The following MYO18B variants were observed in gnomAD, a reference collection of about 807,000 sequenced individuals.
MYO18B encodes unconventional myosin-XVIIIb.
MYO18B carries 204 observed loss-of-function variants against 273.0 expected under a neutral mutation model. The ratio of observed to expected loss-of-function variants is 0.75; its 90% CI spans 0.67 to 0.84. MYO18B has a LOEUF of 0.84. Ranked by LOEUF, MYO18B falls within the 40% of genes least tolerant of loss-of-function variation. MYO18B has a pLI of 0.00. For missense variants in MYO18B, 3,212 were observed against 3,287.6 expected, an observed-to-expected ratio of 0.98 and a Z score of 0.56; for synonymous variants, 1,330 against 1,305.7, an observed-to-expected ratio of 1.02 and a Z score of -0.40.
At chr22:25,959,152 C>T (rs1422769245) in intron 39 of MYO18B, 1 of 152,110 alleles carries the variant, frequency 6.6e-6, no homozygotes, top group African/African-American at 2.4e-5. Context: ...AGGGGGCATG[C>T]ACTGTGATTT....
intron 25 of MYO18B, among the ~76,000 whole-genome samples, chr22:25,887,328 C>T (rs898493627): frequency 2.0e-5 from 3 of 152,126 alleles, no homozygotes; most frequent in African/African-American, 7.2e-5. Context: ...ATTTAACATC[C>T]GTGAAATCCC....
At chr22:25,793,343 T>A (rs1192412441) in intron 11 of MYO18B, among the ~76,000 whole-genome samples, 2 of 152,200 alleles carry the variant, frequency 1.3e-5, no homozygotes, top group Non-Finnish European at 1.5e-5. Flanking sequence ...CAAGTAATTC[T>A]CCTGGCTCAG....
chr22:25,979,898 C>T (rs1030351219), intron 39 of MYO18B, among the ~76,000 whole-genome samples: 11 of 152,068 alleles, frequency 7.2e-5, no homozygotes, highest in African/African-American at 2.4e-4. Flanking sequence ...CACTCCTCCC[C>T]ATCCATCAGG....
Position 25,921,368 on chromosome 22 carries a change from A to G in MYO18B, c.5476A>G (p.Thr1826Ala). Residue 1826 changes from threonine to alanine, a missense_variant, in exon 34 of 44, where the codon ACA becomes GCA. Transcript: ENST00000335473. ...TCTGGGCACCATGGAGGATGGCAAGACATCAGTCAGCAAGGAGGAGCTGGA... is the reference window on the plus strand; with the variant it reads ...TCTGGGCACCATGGAGGATGGCAAGGCATCAGTCAGCAAGGAGGAGCTGGA... ...LLLGTMEDGK[T>A]SVSKEELEKV... The G allele has an allele frequency of 6.3e-7, 1 of 1,598,508 alleles. No homozygotes were observed. The highest frequency in any genetic ancestry group is 1.3e-5 in the African/African-American group (1 of 74,770).
chr22:25,969,753 T>C (rs2093016680), intron 39 of MYO18B, among the ~76,000 whole-genome samples: 1 of 152,244 alleles, frequency 6.6e-6, no homozygotes, highest in African/African-American at 2.4e-5. Context: ...ATCATGTCCT[T>C]ACTGTGTGAC....
intron 11 of MYO18B, among the ~76,000 whole-genome samples, chr22:25,787,480 G>C (rs2087452946): frequency 6.6e-6 from 1 of 152,152 alleles, no homozygotes; most frequent in Non-Finnish European, 1.5e-5. Context: ...CACTGGGTGA[G>C]GTGATGTGTC....
intron 1 of MYO18B, among the ~76,000 whole-genome samples, chr22:25,742,660 C>T (rs2085661721): frequency 6.6e-6 from 1 of 152,202 alleles, no homozygotes; most frequent in African/African-American, 2.4e-5. Context: ...TATTTTTCCT[C>T]AACTACCAGT....
At chr22:25,877,200 T>C (rs1053031801) in intron 24 of MYO18B, 2 of 152,120 alleles carry the variant, frequency 1.3e-5, no homozygotes, top group Non-Finnish European at 2.9e-5. Flanking sequence ...ACAGAGACAT[T>C]GAAATTTGGA....
intron 21 of MYO18B, among the ~76,000 whole-genome samples, chr22:25,853,256 TC>T (rs139358991): frequency 0.038 from 5,770 of 152,306 alleles, 152 homozygotes; most frequent in East Asian, 0.11. Flanking sequence ...GTGCCTGAGA[TC>T]ATCAGCACTG....
intron 9 of MYO18B, 108 bp from the exon 10 acceptor site, chr22:25,781,622 AAAAG>A: frequency 8.2e-6 from 4 of 487,434 alleles, no homozygotes; most frequent in South Asian, 5.7e-5. Context: ...AAAAAAAAAA[AAAAG>A]AGTGGATCAG....
intron 20 of MYO18B, among the ~76,000 whole-genome samples, chr22:25,850,964 G>A (rs1411923536): frequency 6.6e-6 from 1 of 152,174 alleles, no homozygotes; most frequent in Non-Finnish European, 1.5e-5. Flanking sequence ...GGATGCAGTT[G>A]CGTCCACCCT....
chr22:26,063,261 G>C, the MYO18B span, among the ~76,000 whole-genome samples: 2 of 152,194 alleles, frequency 1.3e-5, no homozygotes, highest in Admixed American at 6.5e-5. Flanking sequence ...CATGTGGAAT[G>C]GCAGAAGTGC....
At chr22:26,060,277 A>G in the MYO18B span, among the ~76,000 whole-genome samples, 1 of 152,244 alleles carries the variant, frequency 6.6e-6, no homozygotes, top group African/African-American at 2.4e-5. Context: ...GCAGAGACCA[A>G]ATACCCTGAA....
intron 21 of MYO18B, among the ~76,000 whole-genome samples, chr22:25,864,358 G>C (rs2090826618): frequency 6.6e-6 from 1 of 152,112 alleles, no homozygotes; most frequent in South Asian, 2.1e-4. Context: ...CTTGTTTTGG[G>C]GGGAGGGGAG....
In MYO18B at chr22:25,847,644, A is replaced by G. The variant is rs939611747; in HGVS notation, c.3767A>G (p.His1256Arg). 1 of 1,556,346 alleles carries G rather than the reference A, an allele frequency of 6.4e-7. No individual in the cohort carries two copies. The highest frequency in any genetic ancestry group is 2.4e-5 in the East Asian group (1 of 41,452). Residue 1256 changes from histidine (H) to arginine (R), a missense_variant, in exon 20 of 44, where the codon CAT becomes CGT. His to Arg is a conservative substitution (Grantham distance 29, BLOSUM62 0). Transcript: ENST00000335473. Reference protein sequence around the residue: ...GFHILEALRLHRTGYADHMGL... With the variant: ...GFHILEALRLRRTGYADHMGL... The stretch of plus-strand genomic sequence containing the variant: ...CACATCCTGGAGGCTCTGCGTCTGC[A>G]TAGGACAGGTAAGAGACAGCTAGGA...
the MYO18B span, among the ~76,000 whole-genome samples, chr22:26,060,848 CAT>C: frequency 5.2e-5 from 6 of 115,316 alleles, no homozygotes; most frequent in South Asian, 9.8e-4. Context: ...ACAATATACA[CAT>C]ATACATATAT....
intron 40 of MYO18B, among the ~76,000 whole-genome samples, chr22:25,999,595 CCTT>C (rs1933723452): frequency 8.1e-6 from 1 of 124,152 alleles, no homozygotes; most frequent in East Asian, 2.8e-4. Context: ...TCCTCTTCCT[CCTT>C]TCTCCTCCTT....
At chr22:25,927,149 C>T (rs2092433068) in intron 34 of MYO18B, among the ~76,000 whole-genome samples, 1 of 152,056 alleles carries the variant, frequency 6.6e-6, no homozygotes, top group Non-Finnish European at 1.5e-5. Flanking sequence ...GAAATGTGGG[C>T]ACCTTGAAAA....
intron 43 of MYO18B, among the ~76,000 whole-genome samples, chr22:26,028,138 A>G (rs1936403116): frequency 6.6e-6 from 1 of 151,726 alleles, no homozygotes; most frequent in Admixed American, 6.6e-5. Flanking sequence ...CCAGCTACTC[A>G]GGAGGCTGAG....
Sources: allele counts gnomAD v4.1 joint callset (sites outside exome capture counted in the v4.1 genomes callset), GRCh38; gene constraint gnomAD v4.1.1; transcripts MANE v1.5; gene names NCBI Gene and HGNC (gene_info 2026-07-23, HGNC 2026-07-21).